The following FAS variants were observed in gnomAD, a reference collection of about 807,000 sequenced individuals.
FAS encodes the protein Fas cell surface death receptor.
In FAS, 5 loss-of-function variants were observed where a neutral mutation model predicts 33.2. That is an observed-to-expected ratio of 0.15 (90% CI 0.08 to 0.32). FAS has a LOEUF of 0.32. Ranked by LOEUF, FAS falls within the 10% of genes least tolerant of loss-of-function variation. FAS has a pLI of 1.00. For missense variants in FAS, 339 were observed against 386.0 expected (o/e 0.88, Z 1.02); for synonymous variants, 131 against 130.7 (o/e 1.00, Z -0.01).
intron 2 of FAS, 114 bp from the exon 3 acceptor site, chr10:89,007,586 C>A: frequency 1.5e-6 from 2 of 1,361,926 alleles, no homozygotes; most frequent in Non-Finnish European, 2.0e-6. Flanking sequence ...ATTAGCCTAC[C>A]CCCCCTCCCC....
chr10:88,968,152 G>A (rs1463339352), intron 1 of FAS, among the ~76,000 whole-genome samples: 27 of 151,992 alleles, frequency 1.8e-4, no homozygotes, highest in Admixed American at 1.8e-3. Flanking sequence ...CTTGTATTTT[G>A]CATATTTAAT....
chr10:88,973,474 T>C (rs1846495122), intron 2 of FAS: 1 of 842,474 alleles, frequency 1.2e-6, no homozygotes, highest in Non-Finnish European at 1.7e-6. Flanking sequence ...CATTTCATCT[T>C]GATTATCAGT....
At position 89,009,105 on chromosome 10, in the gene FAS, G is replaced by T. The variant is rs543356953; in HGVS notation, c.443+108G>T. The T allele has an allele frequency of 3.7e-6, 4 of 1,075,756 alleles. No homozygotes were observed. The East Asian group carries it at 7.1e-5, about 19-fold the overall frequency. The allele number at this position is 1,075,756 out of a possible 1,614,324, so 66.6% of individuals were successfully genotyped here. ...AGTTAAGAATTAGGGTTCTAGTCCTGCTTTGCCTCCAAGCAACTAGATGAC... is the reference window on the plus strand; with the variant it reads ...AGTTAAGAATTAGGGTTCTAGTCCTTCTTTGCCTCCAAGCAACTAGATGAC... On this transcript the variant is annotated intron_variant, in intron 4 of 8. Coordinates refer to ENST00000652046, the MANE Select transcript of FAS (RefSeq NM_000043.6).
rs1848733751 is a variant in FAS, at chr10:89,015,074, A to G, written c.*624A>G. The G allele has an allele frequency of 1.9e-6, 1 of 534,506 alleles. No individual in the cohort carries two copies. The highest frequency in any genetic ancestry group is 3.6e-6 in the Non-Finnish European group (1 of 276,492). The allele number at this position is 534,506 out of a possible 1,614,324, so 33.1% of individuals were successfully genotyped here. On this transcript the variant is annotated 3_prime_UTR_variant, in exon 9 of 9. Transcript: ENST00000652046. ...ATATTTCAATTGTGAATTCACATAG[A>G]AAACATTAAATTATAATGTTTGACT... is the stretch of plus-strand genomic sequence containing the variant.
At chr10:89,000,653 C>G (rs1338064442) in intron 1 of FAS, among the ~76,000 whole-genome samples, 1 of 152,064 alleles carries the variant, frequency 6.6e-6, no homozygotes, top group Non-Finnish European at 1.5e-5. Flanking sequence ...ATTTTCTGGA[C>G]CACCGTTATA....
chr10:89,011,908 C>T lies in FAS; in HGVS notation c.569-91C>T. 8 of 1,194,288 alleles carry T rather than the reference C, an allele frequency of 6.7e-6. No homozygotes were observed. The Admixed American group carries it at 9.8e-5, about 15-fold the overall frequency. 74.0% of individuals were successfully genotyped at this position (1,194,288 alleles called of 1,614,324 possible). ...AGTTTCACTGAATTTCTCCTTTTTC[C>T]TTCTTATATTTCTCTTAGTGTGAAA... On this transcript the variant is annotated intron_variant, in intron 6 of 8. Coordinates refer to ENST00000652046, the MANE Select transcript of FAS (RefSeq NM_000043.6).
At chr10:88,996,668 CTAATTATCTTCCAAAATATGTACA>C (rs1406044645) in intron 1 of FAS, among the ~76,000 whole-genome samples, 3 of 152,070 alleles carry the variant, frequency 2.0e-5, no homozygotes, top group South Asian at 2.1e-4. Flanking sequence ...CTCGATTTAG[CTAATTATCTTCCAAAATATGTACA>C]TAATTATCTT....
Position 88,975,375 on chromosome 10 carries a change from T to A in FAS, n.260+2028T>A, listed in dbSNP as rs1846538960. Among the ~76,000 whole-genome samples the A allele has an allele frequency of 2.0e-5, 3 of 152,306 alleles. 1 individual carries two copies. In the South Asian group the frequency reaches 6.2e-4, roughly 32 times the overall value. On this transcript the variant is annotated intron_variant and non_coding_transcript_variant, in intron 2 of 3. Transcript: ENST00000688239. ...CAGAAAAATTAGTTGAGAAGGACAA[T>A]AGTACTGTCATACTTTTTAAAAACT...
intron 1 of FAS, among the ~76,000 whole-genome samples, chr10:89,000,783 A>G (rs767834239): frequency 6.6e-6 from 1 of 152,234 alleles, no homozygotes; most frequent in African/African-American, 2.4e-5. Flanking sequence ...GCGTTGGCTC[A>G]TGCCTGTAAT....
At chr10:88,979,003 T>A (rs1846642890) in intron 2 of FAS, among the ~76,000 whole-genome samples, 1 of 151,942 alleles carries the variant, frequency 6.6e-6, no homozygotes, top group South Asian at 2.1e-4. Flanking sequence ...ATCCTCCTAA[T>A]AAGCATATAA....
chr10:88,977,478 A>G (rs1302278605), intron 2 of FAS, among the ~76,000 whole-genome samples: 2 of 152,122 alleles, frequency 1.3e-5, no homozygotes, highest in African/African-American at 4.8e-5. Context: ...AGTTGTAGAT[A>G]TGCGGCGTTC....
At chr10:89,012,469 C>T (rs1848581144) in intron 7 of FAS, 1 of 228,702 alleles carries the variant, frequency 4.4e-6, no homozygotes. Flanking sequence ...TGAGCCATCA[C>T]ATCCGGCCTG....
intron 2 of FAS, chr10:88,974,696 C>A (rs1846524265): frequency 6.6e-6 from 1 of 152,112 alleles, no homozygotes; most frequent in South Asian, 2.1e-4. Flanking sequence ...TGAATTCCAC[C>A]AGATCATTGA....
chr10:89,013,482 C>A, intron 8 of FAS, 115 bp downstream of exon 8: 1 of 1,027,346 alleles, frequency 9.7e-7, no homozygotes, highest in Non-Finnish European at 1.5e-6. Context: ...CTTGTTATTT[C>A]TCATACAATT....
intron 1 of FAS, among the ~76,000 whole-genome samples, chr10:88,999,640 T>C (rs558201934): frequency 6.6e-6 from 1 of 152,368 alleles, no homozygotes; most frequent in South Asian, 2.1e-4. Flanking sequence ...TTTCAGTTTA[T>C]AAGCCACACA....
At chr10:88,989,292 T>C (rs1379842665), upstream of FAS, among the ~76,000 whole-genome samples, 1 of 152,172 alleles carries the variant, frequency 6.6e-6, no homozygotes, top group East Asian at 1.9e-4. Flanking sequence ...CATTCCTTCT[T>C]CCCTTACCTC....
rs1444374860 is a variant in FAS at position 89,014,338 on chromosome 10, A to G, written c.896A>G (p.Lys299Arg). The part of the protein sequence containing the change: ...EAYDTLIKDL[K>R]KANLCTLAEK... ...TATGACACATTGATTAAAGATCTCA[A>G]AAAAGCCAATCTTTGTACTCTTGCA... Residue 299 changes from lysine to arginine, a missense_variant, in exon 9 of 9, where the codon AAA becomes AGA. Around this residue, in one of 3 missense-constraint regions of FAS, gnomAD observed 52 missense variants for 52.7 expected, o/e 0.99. Coordinates refer to ENST00000652046, the MANE Select transcript of FAS (RefSeq NM_000043.6). 10 of 1,613,988 alleles carry G rather than the reference A, an allele frequency of 6.2e-6. No homozygotes were observed. Among genetic ancestry groups the G allele is most frequent in the Admixed American group, 1.7e-5 (1 of 60,026 alleles).
chr10:88,991,090 A>G (rs879064297), intron 1 of FAS, 184 bp downstream of exon 1: 3 of 714,110 alleles, frequency 4.2e-6, no homozygotes, highest in Non-Finnish European at 7.2e-6. Context: ...ACCTTCCCTC[A>G]GGCCCGGGTG....
intron 8 of FAS, 35 bp downstream of exon 8, chr10:89,013,402 C>A: frequency 6.2e-7 from 1 of 1,602,258 alleles, no homozygotes; most frequent in Non-Finnish European, 8.5e-7. Flanking sequence ...ATAGAGATGG[C>A]ATCCTTTAGA....
Sources: gnomAD v4.1 joint callset for allele counts (sites outside exome capture counted in the v4.1 genomes callset) on GRCh38, gnomAD v4.1.1 for gene constraint, gnomAD v4.1.1 regional missense constraint, MANE v1.5 for transcripts, NCBI Gene and HGNC (gene_info 2026-07-23, HGNC 2026-07-21) for gene names.